The following TK2 variants were observed in gnomAD, a reference collection of about 807,000 sequenced individuals.
TK2 encodes the protein thymidine kinase 2, mitochondrial.
TK2 carries 35 observed loss-of-function variants against 41.9 expected under a neutral mutation model. The ratio of observed to expected loss-of-function variants is 0.84; its 90% confidence interval spans 0.64 to 1.11. The LOEUF is 1.11. TK2 is among the 50% of genes least tolerant of loss of function. The pLI, the probability that TK2 is intolerant of heterozygous loss-of-function variation, is 0.00. For missense variants in TK2, 320 were observed against 351.1 expected, an observed-to-expected ratio of 0.91 and a Z score of 0.71; for synonymous variants, 128 against 129.1, an observed-to-expected ratio of 0.99 and a Z score of 0.06.
chr16:66,547,906 G>A, intron 2 of TK2: 1 of 1,272,698 alleles, frequency 7.9e-7, no homozygotes, highest in Non-Finnish European at 1.0e-6. Flanking sequence ...AAAGCACAAA[G>A]AACAGGCCCA....
At chr16:66,535,775 A>G (rs978627705) in intron 4 of TK2, among the ~76,000 whole-genome samples, 1 of 152,238 alleles carries the variant, frequency 6.6e-6, no homozygotes, top group Non-Finnish European at 1.5e-5. Context: ...GGATGAATGC[A>G]CAAGCCCCTA....
intron 4 of TK2, 32 bp from the exon 5 acceptor site, chr16:66,531,501 A>G: frequency 6.2e-7 from 1 of 1,608,382 alleles, no homozygotes; most frequent in South Asian, 1.1e-5. Context: ...ACTTTCCATC[A>G]AAGTGGCATC....
chr16:66,531,302 T>G lies in TK2; in HGVS notation c.375+78A>C, dbSNP rs1965103129. ...GGCCTAGCCTGGCTTCCTTGTAAAG[T>G]TTCCCTTCCTGGCAATCACATACCC... On this transcript the variant is annotated intron_variant, in intron 5 of 9. Transcript: ENST00000544898. The G allele has an allele frequency of 4.2e-6, 6 of 1,431,112 alleles. No individual in the cohort carries two copies. In the South Asian group the frequency reaches 5.9e-5, roughly 14 times the overall value. 88.7% of individuals were successfully genotyped at this position (1,431,112 alleles called of 1,614,324 possible).
chr16:66,548,988 T>C lies in TK2; in HGVS notation c.146A>G (p.Lys49Arg). Residue 49 changes from lysine to arginine, a missense_variant, in exon 2 of 10, where the codon AAA becomes AGA. Physicochemically the swap from Lys to Arg is conservative, Grantham distance 26. Coordinates refer to ENST00000544898, the MANE Select transcript of TK2 (RefSeq NM_004614.5). ...AAAAGAGGGACTTACCACTGATTTTTTCTCTTTTTCCTGTTCTTTATCTAC... is the reference window on the plus strand; with the variant it reads ...AAAAGAGGGACTTACCACTGATTTTCTCTCTTTTTCCTGTTCTTTATCTAC... The part of the protein sequence containing the change: ...WPPDKEQEKE[K>R]KSVICVEGNI... The C allele has an allele frequency of 6.2e-7, 1 of 1,613,662 alleles. No homozygotes were observed. The highest frequency in any genetic ancestry group is 2.2e-5 in the East Asian group (1 of 44,864).
chr16:66,527,866 C>A (rs1022869084), intron 6 of TK2, among the ~76,000 whole-genome samples: 1 of 152,042 alleles, frequency 6.6e-6, no homozygotes, highest in African/African-American at 2.4e-5. Context: ...CCTGCCTCTA[C>A]TAAAAATACA....
At position 66,538,060 on chromosome 16, in the gene TK2, G is replaced by A. The variant is rs541384218; in HGVS notation, c.232-1043C>T. Among the ~76,000 whole-genome samples, 13 of 152,234 alleles carry A rather than the reference G, an allele frequency of 8.5e-5. No homozygotes were observed. The South Asian group carries it at 2.7e-3, about 32-fold the overall frequency. On this transcript the variant is annotated intron_variant, in intron 3 of 9. Coordinates refer to ENST00000544898, the MANE Select transcript of TK2 (RefSeq NM_004614.5). ...TGCCTGTAATCCCAGATACTCGGGA[G>A]GCTGAGGCAGGAGAATCACTTGAAC...
At chr16:66,545,254 C>G (rs867047274) in intron 2 of TK2, among the ~76,000 whole-genome samples, 1 of 152,126 alleles carries the variant, frequency 6.6e-6, no homozygotes, top group Admixed American at 6.5e-5. Context: ...AAAAATCACT[C>G]GTAAATCTCA....
chr16:66,514,575 C>T lies in TK2; in HGVS notation c.619-764G>A, dbSNP rs1462816489. Reference sequence around the variant, plus strand: ...GAAGTGAGGAGTGTCTCTGCCTGGCCGCCCATCGTCTAGGATGTGAGGACC... The same window carrying T: ...GAAGTGAGGAGTGTCTCTGCCTGGCTGCCCATCGTCTAGGATGTGAGGACC... On this transcript the variant is annotated intron_variant, in intron 8 of 9. Coordinates refer to ENST00000544898, the MANE Select transcript of TK2 (RefSeq NM_004614.5). The surrounding 1 kb of genome is among the most constrained non-coding windows in gnomAD (Gnocchi z 4.2). 1.3e-5 allele frequency among the ~76,000 whole-genome samples: 2 copies of T among 152,164 alleles called. No homozygotes were observed. The highest frequency in any genetic ancestry group is 2.4e-5 in the African/African-American group (1 of 41,442).
chr16:66,518,864 T>C (rs1953647224), intron 6 of TK2, among the ~76,000 whole-genome samples: 1 of 152,246 alleles, frequency 6.6e-6, no homozygotes, highest in Non-Finnish European at 1.5e-5. Context: ...TTTTTTTCTT[T>C]ATACCTTTTT....
At chr16:66,523,993 A>T (rs1248606470) in intron 6 of TK2, among the ~76,000 whole-genome samples, 1 of 152,194 alleles carries the variant, frequency 6.6e-6, no homozygotes, top group Non-Finnish European at 1.5e-5. Context: ...GGCTAAAAAT[A>T]CTTTTTACTT....
At chr16:66,518,968 T>A (rs1172548583) in intron 6 of TK2, among the ~76,000 whole-genome samples, 2 of 152,036 alleles carry the variant, frequency 1.3e-5, no homozygotes, top group Non-Finnish European at 2.9e-5. Flanking sequence ...TTATTTTTTT[T>A]TTTTATTTTT....
intron 6 of TK2, among the ~76,000 whole-genome samples, chr16:66,528,740 G>A (rs532248310): frequency 5.9e-5 from 9 of 152,310 alleles, no homozygotes; most frequent in African/African-American, 1.7e-4. Flanking sequence ...TACATCGGCT[G>A]ATCCCCAGAC....
intron 1 of TK2, chr16:66,549,603 G>A: frequency 2.7e-6 from 3 of 1,130,472 alleles, no homozygotes; most frequent in African/African-American, 1.6e-5. Context: ...TCGGCTTAAG[G>A]CAGCTCCCAG....
chr16:66,548,930 T>C lies in TK2; in HGVS notation c.156+48A>G, dbSNP rs1399960810. 4.4e-6 allele frequency: 7 copies of C among 1,584,664 alleles called. No individual in the cohort carries two copies. The Admixed American group carries it at 1.2e-4, about 27-fold the overall frequency. ...TACTCTGCTTTTTTCTCTCTCCTCT[T>C]CAAAAAACCAAATTATCCTAGAGAG... On this transcript the variant is annotated intron_variant, in intron 2 of 9. Coordinates refer to ENST00000544898, the MANE Select transcript of TK2 (RefSeq NM_004614.5).
At chr16:66,534,007 CA>C (rs11383723) in intron 4 of TK2, among the ~76,000 whole-genome samples, 4 of 97,350 alleles carry the variant, frequency 4.1e-5, no homozygotes, top group African/African-American at 8.7e-5. Context: ...GACTCTGTCT[CA>C]AAAAAAAAAA....
intron 1 of TK2, 117 bp downstream of exon 1, chr16:66,549,821 G>A (rs997984763): frequency 1.0e-5 from 13 of 1,286,954 alleles, no homozygotes; most frequent in South Asian, 2.7e-5. Flanking sequence ...CAGCCGGGGA[G>A]GAAATCCCGC....
chr16:66,535,492 C>T (rs1243813022), intron 4 of TK2, among the ~76,000 whole-genome samples: 1 of 152,140 alleles, frequency 6.6e-6, no homozygotes, highest in African/African-American at 2.4e-5. Context: ...CATCTTCTCC[C>T]GAATGCACAG....
chr16:66,527,079 G>A (rs1282089050), intron 6 of TK2, among the ~76,000 whole-genome samples: 1 of 152,210 alleles, frequency 6.6e-6, no homozygotes, highest in African/African-American at 2.4e-5. Context: ...GAGGTGCTAA[G>A]GAGCAGGAGC....
chr16:66,528,848 G>T, intron 6 of TK2, 146 bp downstream of exon 6: 1 of 771,666 alleles, frequency 1.3e-6, no homozygotes, highest in Non-Finnish European at 2.2e-6. Context: ...GAGGATTCGT[G>T]GCTGTTTGTT....
Sources: gnomAD v4.1 joint callset for allele counts (sites outside exome capture counted in the v4.1 genomes callset) on GRCh38, gnomAD v4.1.1 for gene constraint, Gnocchi (gnomAD v3.1) non-coding constraint, MANE v1.5 for transcripts, NCBI Gene and HGNC (gene_info 2026-07-23, HGNC 2026-07-21) for gene names.